The following ABTB2 variants were observed in gnomAD, a reference collection of about 807,000 sequenced individuals.
The protein encoded by ABTB2 is ankyrin repeat and BTB domain containing 2.
Under a neutral mutation model 104.1 loss-of-function variants are expected in ABTB2, and 56 were observed. The observed-to-expected ratio is 0.54, with a 90% confidence interval of 0.43 to 0.67. The LOEUF (loss-of-function observed/expected upper bound fraction) is 0.67, where lower values mean the gene tolerates loss of function less well. Ranked by LOEUF, ABTB2 falls within the 30% of genes least tolerant of loss-of-function variation. The pLI is 0.00. For synonymous variants in ABTB2, 606 were observed against 608.2 expected, an observed-to-expected ratio of 1.00 and a Z score of 0.05; for missense variants, 1,279 against 1,407.7, an observed-to-expected ratio of 0.91 and a Z score of 1.46.
chr11:34,353,433 G>C (rs4140544), intron 1 of ABTB2, among the ~76,000 whole-genome samples: 23,632 of 152,084 alleles, frequency 0.16, 3,135 homozygotes, highest in East Asian at 0.37. Flanking sequence ...TTTCTATTTT[G>C]TGCAAACTAC....
At chr11:34,314,583 G>C (rs1351385982) in intron 1 of ABTB2, among the ~76,000 whole-genome samples, 1 of 152,210 alleles carries the variant, frequency 6.6e-6, no homozygotes, top group Non-Finnish European at 1.5e-5. Flanking sequence ...GAGAGGTGCT[G>C]ATGGCTCTCT....
At chr11:34,172,923 G>A (rs546086464) in intron 4 of ABTB2, among the ~76,000 whole-genome samples, 1 of 152,336 alleles carries the variant, frequency 6.6e-6, no homozygotes, top group East Asian at 1.9e-4. Context: ...TCTCCTCTGT[G>A]TAGCAGACCA....
intron 9 of ABTB2, among the ~76,000 whole-genome samples, chr11:34,163,766 C>T (rs980801233): frequency 6.6e-6 from 1 of 152,230 alleles, no homozygotes; most frequent in African/African-American, 2.4e-5. Flanking sequence ...CTTGTTTGGG[C>T]CAGGCGCTGG....
intron 1 of ABTB2, among the ~76,000 whole-genome samples, chr11:34,323,263 G>A (rs896492339): frequency 3.9e-5 from 6 of 152,168 alleles, no homozygotes; most frequent in African/African-American, 1.4e-4. Context: ...AAAATGTCAT[G>A]ATGTCTGGGA....
chr11:34,218,781 G>A, intron 1 of ABTB2, among the ~76,000 whole-genome samples: 1 of 147,080 alleles, frequency 6.8e-6, no homozygotes, highest in East Asian at 2.0e-4. Context: ...AGGAGGTGGA[G>A]GTTGCTGTGA....
Position 34,159,304 on chromosome 11 carries a change from T to C in ABTB2, c.2689A>G (p.Ile897Val), listed in dbSNP as rs545374647. 6.2e-7 allele frequency: 1 copy of C among 1,613,272 alleles called. No homozygotes were observed. The highest frequency in any genetic ancestry group is 1.3e-5 in the African/African-American group (1 of 74,898). Reference sequence around the variant, plus strand: ...CACCAAGACCCACACACCTGAAAAATGTGGTACTTCATGTCGCTGATCTCG... The same window carrying C: ...CACCAAGACCCACACACCTGAAAAACGTGGTACTTCATGTCGCTGATCTCG... ...TIEISDMKYH[I>V]FQMMMQYLYY... The change falls in exon 14 of 17, where the codon ATT becomes GTT. Residue 897 changes from isoleucine (I) to valine (V), a missense_variant. Transcript: ENST00000435224.
intron 1 of ABTB2, among the ~76,000 whole-genome samples, chr11:34,310,063 C>G (rs1470444774): frequency 6.6e-6 from 1 of 152,164 alleles, no homozygotes; most frequent in Non-Finnish European, 1.5e-5. Context: ...ACTTCTATTA[C>G]ATTGAGCAAT....
chr11:34,352,873 T>C (rs969558899), intron 1 of ABTB2, among the ~76,000 whole-genome samples: 3 of 152,036 alleles, frequency 2.0e-5, no homozygotes, highest in Non-Finnish European at 4.4e-5. Flanking sequence ...CTGGGCAACA[T>C]AGCAAGACCC....
chr11:34,170,525 CA>C (rs1852858177), intron 5 of ABTB2, among the ~76,000 whole-genome samples: 1 of 152,162 alleles, frequency 6.6e-6, no homozygotes, highest in African/African-American at 2.4e-5. Flanking sequence ...ATGGTATCTC[CA>C]TGAGGACAAG....
At chr11:34,326,583 T>C (rs1477469423) in intron 1 of ABTB2, among the ~76,000 whole-genome samples, 1 of 149,172 alleles carries the variant, frequency 6.7e-6, no homozygotes, top group Non-Finnish European at 1.5e-5. Context: ...TGAGCCGAGA[T>C]CATGCTACTG....
intron 1 of ABTB2, among the ~76,000 whole-genome samples, chr11:34,286,037 A>G (rs1467340952): frequency 6.6e-6 from 1 of 151,716 alleles, no homozygotes; most frequent in African/African-American, 2.4e-5. Flanking sequence ...ATAGAAGAAA[A>G]CATTATAATC....
intron 1 of ABTB2, among the ~76,000 whole-genome samples, chr11:34,253,054 C>G (rs1854073595): frequency 6.6e-6 from 1 of 152,214 alleles, no homozygotes. Context: ...TCCAAGTGAT[C>G]TCCTCAATGC....
At chr11:34,191,433 C>T (rs1342463432) in intron 3 of ABTB2, among the ~76,000 whole-genome samples, 1 of 152,166 alleles carries the variant, frequency 6.6e-6, no homozygotes, top group Admixed American at 6.5e-5. Flanking sequence ...CAGGATCTCA[C>T]CTGGACAAGA....
intron 14 of ABTB2, among the ~76,000 whole-genome samples, chr11:34,156,736 C>T (rs754078699): frequency 1.3e-5 from 2 of 152,080 alleles, no homozygotes; most frequent in Non-Finnish European, 2.9e-5. Flanking sequence ...GTTGGTCAGG[C>T]TGGTCTCGAA....
chr11:34,232,092 G>T (rs981554084), intron 1 of ABTB2, among the ~76,000 whole-genome samples: 1 of 152,118 alleles, frequency 6.6e-6, no homozygotes, highest in Admixed American at 6.5e-5. Context: ...ATGTTAATAG[G>T]GGAAACGGTG....
At chr11:34,228,169 C>T (rs1231541775) in intron 1 of ABTB2, among the ~76,000 whole-genome samples, 1 of 73,790 alleles carries the variant, frequency 1.4e-5, no homozygotes, top group African/African-American at 4.5e-5. Flanking sequence ...AAGCAATTCT[C>T]CTGCCTCAGC....
At chr11:34,308,868 C>CAAAAAAAAAAAAAAAAAAAAAAAAAA (rs57658114) in intron 1 of ABTB2, among the ~76,000 whole-genome samples, 4 of 77,796 alleles carry the variant, frequency 5.1e-5, no homozygotes, top group Non-Finnish European at 1.0e-4. Flanking sequence ...GAAACTGTCT[C>CAAAAAAAAAAAAAAAAAAAAAAAAAA]AAAAAAAAAA....
rs78452722 is a variant in ABTB2 at position 34,217,814 on chromosome 11, T to C, written c.884-13124A>G. On this transcript the variant is annotated intron_variant, in intron 1 of 16. Transcript: ENST00000435224. Reference sequence around the variant, plus strand: ...AATACTAAGGAATGCAGTTGCTGAATTGTATTGGTATCATATACCTATGAG... The same window carrying C: ...AATACTAAGGAATGCAGTTGCTGAACTGTATTGGTATCATATACCTATGAG... Among the ~76,000 whole-genome samples the C allele has an allele frequency of 3.3e-3, 510 of 152,314 alleles. 4 individuals carry two copies. Among genetic ancestry groups the C allele is most frequent in the Non-Finnish European group, 5.1e-3 (345 of 68,016 alleles).
At chr11:34,158,847 G>T (rs1388086027) in intron 14 of ABTB2, among the ~76,000 whole-genome samples, 1 of 152,250 alleles carries the variant, frequency 6.6e-6, no homozygotes, top group African/African-American at 2.4e-5. Flanking sequence ...AAGTGACGCA[G>T]CCTCCACCAG....
Sources: gnomAD v4.1 joint callset for allele counts (sites outside exome capture counted in the v4.1 genomes callset) on GRCh38, gnomAD v4.1.1 for gene constraint, MANE v1.5 for transcripts, NCBI Gene and HGNC (gene_info 2026-07-23, HGNC 2026-07-21) for gene names.